The following YTHDF1 variants were observed in gnomAD, a reference collection of about 807,000 sequenced individuals.
YTHDF1 encodes the protein YTH domain-containing family protein 1.
YTHDF1 carries 16 observed loss-of-function variants against 49.1 expected under a neutral mutation model. The observed-to-expected ratio is 0.33, with a 90% confidence interval of 0.22 to 0.49. YTHDF1 has a LOEUF of 0.49. YTHDF1 is among the 20% of genes least tolerant of loss of function. YTHDF1 has a pLI of 0.99. For synonymous variants in YTHDF1, 313 were observed against 290.1 expected (o/e 1.08, Z -0.80); for missense variants, 621 against 744.3 (o/e 0.83, Z 1.93).
chr20:63,206,069 C>T (rs528140852), intron 3 of YTHDF1, among the ~76,000 whole-genome samples: 10 of 152,196 alleles, frequency 6.6e-5, no homozygotes, highest in Non-Finnish European at 1.5e-4. Flanking sequence ...ACTTGCTCCT[C>T]GAGTCACTGG....
rs1206539974 is a variant in YTHDF1 at position 63,202,378 on chromosome 20, T to C, written c.1562A>G (p.Lys521Arg). ...TGTGTGCTTGTAGGAACTGATAATT[T>C]TCAGCACTTGCTTGGCTTTTTCTAA... ...VPLEKAKQVL[K>R]IISSYKHTTS... is the part of the protein sequence containing the mutation. Residue 521 changes from lysine (K) to arginine (R), a missense_variant, in exon 4 of 5, where the codon AAA becomes AGA. Lys to Arg is a conservative substitution (Grantham distance 26). Around this residue, in one of 2 missense-constraint regions of YTHDF1, gnomAD observed 151 missense variants for 248.5 expected, o/e 0.61. Transcript: ENST00000370339. 1 of 1,614,274 alleles carries C rather than the reference T, an allele frequency of 6.2e-7. No homozygotes were observed.
At chr20:63,204,984 G>A (rs928950327) in intron 3 of YTHDF1, among the ~76,000 whole-genome samples, 3 of 152,070 alleles carry the variant, frequency 2.0e-5, no homozygotes, top group Non-Finnish European at 2.9e-5. Context: ...TAGACGCATC[G>A]TCTGAGAGTG....
At position 63,202,775 on chromosome 20, in the gene YTHDF1, C is replaced by A; in HGVS notation, c.1165G>T (p.Gly389Trp). The change falls in exon 4 of 5, where the codon GGG becomes TGG. Residue 389 changes from glycine to tryptophan, a missense_variant. This residue lies in a region of YTHDF1 where 151 missense variants were observed against 248.5 expected (regional missense o/e 0.61). Transcript: ENST00000370339. ...TAGCTCTTGATGATGAACACACGCC[C>A]GCTTTTCAGATTCCACTCAAACTCT... ...PKEFEWNLKS[G>W]RVFIIKSYSE... The A allele has an allele frequency of 6.2e-7, 1 of 1,614,128 alleles. No individual in the cohort carries two copies. The highest frequency in any genetic ancestry group is 1.1e-5 in the South Asian group (1 of 91,088).
chr20:63,203,925 A>G lies in YTHDF1; in HGVS notation c.133-118T>C. 3 of 921,742 alleles carry G rather than the reference A, an allele frequency of 3.3e-6. No individual in the cohort carries two copies. The South Asian group carries it at 5.7e-5, about 18-fold the overall frequency. The allele number at this position is 921,742 out of a possible 1,614,324, so 57.1% of individuals were successfully genotyped here. A position where few individuals can be genotyped will look rare whatever the true frequency, so the allele number is the denominator to read the frequency against. On this transcript the variant is annotated intron_variant, in intron 3 of 4. Coordinates refer to ENST00000370339, the MANE Select transcript of YTHDF1 (RefSeq NM_017798.4). This position sits in a 1 kb window ranked among gnomAD's most constrained non-coding sequence, Gnocchi z 4.4. ...AACAAAACCTGCACAGCATGGGGCT[A>G]CTCCTTCCAGAAAGAAAGCTGTAGT...
At chr20:63,209,264 C>A (rs1289683505) in intron 3 of YTHDF1, among the ~76,000 whole-genome samples, 1 of 152,192 alleles carries the variant, frequency 6.6e-6, no homozygotes. Context: ...ACACTACACT[C>A]AATTTTTAAA....
At position 63,216,090 on chromosome 20, in the gene YTHDF1, C is replaced by T. The variant is rs1200479927; in HGVS notation, c.-198G>A. Reference sequence around the variant, plus strand: ...CGGCGGTGAGCCCGGGACGCGGACGCACTGAGGAGGCGTCGACTCCAATGG... The same window carrying T: ...CGGCGGTGAGCCCGGGACGCGGACGTACTGAGGAGGCGTCGACTCCAATGG... On this transcript the variant is annotated 5_prime_UTR_variant, in exon 1 of 5. Transcript: ENST00000370339. 4.3e-6 allele frequency: 1 copy of T among 230,894 alleles called. No homozygotes were observed. The highest frequency in any genetic ancestry group is 7.1e-6 in the Non-Finnish European group (1 of 141,366). The allele number at this position is 230,894 out of a possible 1,614,324, so 14.3% of individuals were successfully genotyped here.
At chr20:63,215,556 C>A (rs929376061) in intron 2 of YTHDF1, 21 bp downstream of exon 2, 1 of 1,613,420 alleles carries the variant, frequency 6.2e-7, no homozygotes, top group Non-Finnish European at 8.5e-7. Context: ...CCCGCGCCGG[C>A]CGTCCCGGGA....
Position 63,215,911 on chromosome 20 carries a change from C to A in YTHDF1, c.-19G>T. 1 of 1,397,540 alleles carries A rather than the reference C, an allele frequency of 7.2e-7. No individual in the cohort carries two copies. The highest frequency in any genetic ancestry group is 9.3e-7 in the Non-Finnish European group (1 of 1,070,712). 86.6% of individuals were successfully genotyped at this position (1,397,540 alleles called of 1,614,324 possible). A position where few individuals can be genotyped will look rare whatever the true frequency, so the allele number is the denominator to read the frequency against. Reference sequence around the variant, plus strand: ...CCGACATGCTTCATGAACAACTAGACGCGGGGCCGGGGCGCCCGCCGGCTC... The same window carrying A: ...CCGACATGCTTCATGAACAACTAGAAGCGGGGCCGGGGCGCCCGCCGGCTC... On this transcript the variant is annotated 5_prime_UTR_variant, in exon 1 of 5. Coordinates refer to ENST00000370339, the MANE Select transcript of YTHDF1 (RefSeq NM_017798.4).
chr20:63,197,187 G>A (rs879637049), intron 4 of YTHDF1, among the ~76,000 whole-genome samples: 1 of 152,166 alleles, frequency 6.6e-6, no homozygotes, highest in South Asian at 2.1e-4. Context: ...CTTCTCAGTG[G>A]CACAAAGGAC....
chr20:63,213,070 T>A (rs989927088), intron 3 of YTHDF1, among the ~76,000 whole-genome samples: 6 of 152,126 alleles, frequency 3.9e-5, no homozygotes, highest in Non-Finnish European at 7.3e-5. Context: ...CTCTCTCTCT[T>A]CTACAGAAAA....
At chr20:63,213,505 C>T (rs1163147308) in intron 3 of YTHDF1, among the ~76,000 whole-genome samples, 5 of 152,206 alleles carry the variant, frequency 3.3e-5, no homozygotes, top group Non-Finnish European at 7.3e-5. Flanking sequence ...GCTGCCTCCC[C>T]AGACCACAAT....
chr20:63,214,922 T>C (rs932458085), intron 2 of YTHDF1, among the ~76,000 whole-genome samples: 6 of 152,180 alleles, frequency 3.9e-5, no homozygotes, highest in Admixed American at 2.0e-4. Context: ...CAAGACTGGT[T>C]TTCCTTTTAC....
chr20:63,203,051 G>C lies in YTHDF1; in HGVS notation c.889C>G (p.Gln297Glu). The change falls in exon 4 of 5, where the codon CAG becomes GAG. Residue 297 changes from glutamine (Q) to glutamate (E), a missense_variant. Physicochemically the swap from Gln to Glu is conservative, Grantham distance 29. Around this residue, in one of 2 missense-constraint regions of YTHDF1, gnomAD observed 470 missense variants for 495.8 expected, o/e 0.95. Coordinates refer to ENST00000370339, the MANE Select transcript of YTHDF1 (RefSeq NM_017798.4). The surrounding 1 kb of genome is among the most constrained non-coding windows in gnomAD (Gnocchi z 4.4). ...AGAGGCTGAGCCACCTGCTGGGGCT[G>C]TGGGGCAGCCTGTGGAGAGGGTGCC... ...QQAPSPQAAP[Q>E]PQQVAQPLPA... The C allele has an allele frequency of 6.2e-7, 1 of 1,606,330 alleles. No individual in the cohort carries two copies. The highest frequency in any genetic ancestry group is 8.5e-7 in the Non-Finnish European group (1 of 1,175,476).
At chr20:63,205,977 C>A (rs1042931815) in intron 3 of YTHDF1, among the ~76,000 whole-genome samples, 4 of 152,104 alleles carry the variant, frequency 2.6e-5, no homozygotes, top group Non-Finnish European at 4.4e-5. Flanking sequence ...TCCTTTGCTG[C>A]AGCCTTTCCC....
At chr20:63,211,240 G>T (rs886167229) in intron 3 of YTHDF1, among the ~76,000 whole-genome samples, 1 of 151,826 alleles carries the variant, frequency 6.6e-6, no homozygotes, top group East Asian at 1.9e-4. Flanking sequence ...TGATGCGTGT[G>T]GATTGCTTGA....
Position 63,213,914 on chromosome 20 carries a change from T to C in YTHDF1, c.82A>G (p.Thr28Ala), listed in dbSNP as rs560049993. The C allele has an allele frequency of 6.4e-7, 1 of 1,570,762 alleles. No homozygotes were observed. The highest frequency in any genetic ancestry group is 8.6e-7 in the Non-Finnish European group (1 of 1,167,536). ...GGCTCAAAGTCATTGTCATGAACTG[T>C]ATCCTTCTGATGTAACGAACCATTT... ...VQNGSLHQKD[T>A]VHDNDFEPYL... Residue 28 changes from threonine to alanine, a missense_variant, in exon 3 of 5, where the codon ACA becomes GCA. Coordinates refer to ENST00000370339, the MANE Select transcript of YTHDF1 (RefSeq NM_017798.4).
Position 63,203,370 on chromosome 20 carries a change from C to T in YTHDF1, c.570G>A (p.Leu190=), listed in dbSNP as rs1462143351. The T allele has an allele frequency of 6.2e-7, 1 of 1,613,178 alleles. No individual in the cohort carries two copies. Residue 190 remains leucine (L), a synonymous_variant, in exon 4 of 5, where the codon CTG becomes CTA. Coordinates refer to ENST00000370339, the MANE Select transcript of YTHDF1 (RefSeq NM_017798.4). The surrounding 1 kb of genome is among the most constrained non-coding windows in gnomAD (Gnocchi z 4.4). ...CGGAGGAGCTGACGTCCCCAATCTT[C>T]AGGCCAACCATGCCCTGCTCCAGGC... ...MNSLEQGMVG[L]KIGDVSSSAV...
intron 3 of YTHDF1, among the ~76,000 whole-genome samples, chr20:63,211,105 T>A (rs1278274775): frequency 2.2e-5 from 2 of 91,592 alleles, no homozygotes; most frequent in Non-Finnish European, 4.7e-5. Flanking sequence ...TATGACAGTT[T>A]CACACAAAAC....
intron 3 of YTHDF1, among the ~76,000 whole-genome samples, chr20:63,207,212 T>C (rs2066550747): frequency 6.6e-6 from 1 of 152,194 alleles, no homozygotes; most frequent in Non-Finnish European, 1.5e-5. Context: ...CTCATGCCTG[T>C]AATCCCAGCA....
Sources: allele counts gnomAD v4.1 joint callset (sites outside exome capture counted in the v4.1 genomes callset), GRCh38; gene constraint gnomAD v4.1.1; regional missense constraint gnomAD v4.1.1; non-coding constraint Gnocchi (gnomAD v3.1); transcripts MANE v1.5; gene names NCBI Gene and HGNC (gene_info 2026-07-23, HGNC 2026-07-21).